C3orf85: variants seen among roughly 807,000 people sequenced by gnomAD.
C3orf85 encodes the protein chromosome 3 open reading frame 85, also known as uncharacterized protein C3orf85.
In C3orf85, 1 loss-of-function variant was observed where a neutral mutation model predicts 1.7. The ratio of observed to expected loss-of-function variants is 0.60; its 90% CI spans 0.21 to 2.86. The LOEUF (loss-of-function observed/expected upper bound fraction) is 2.86, where lower values mean the gene tolerates loss of function less well. Among genes scored for constraint, C3orf85 ranks in the 30% most tolerant of loss-of-function variants. The probability of loss-of-function intolerance (pLI) is 0.22; values close to 1 mark genes in which losing one functional copy is unlikely to be tolerated. For synonymous variants in C3orf85, 17 were observed against 8.0 expected (o/e 2.13, Z -1.90); for missense variants, 29 against 21.3 (o/e 1.36, Z -0.72).
At chr3:109,141,639 A>C (rs1706744584) in intron 2 of C3orf85, among the ~76,000 whole-genome samples, 1 of 152,152 alleles carries the variant, frequency 6.6e-6, no homozygotes, top group Non-Finnish European at 1.5e-5. Context: ...AACATGTTCT[A>C]CTAAACACAA....
intron 2 of C3orf85, among the ~76,000 whole-genome samples, chr3:109,142,044 T>G (rs1168301131): frequency 6.6e-6 from 1 of 152,050 alleles, no homozygotes; most frequent in Admixed American, 6.6e-5. Flanking sequence ...AAAAAATTAC[T>G]TAACAAAGAG....
At chr3:109,148,196 A>G (rs539561588) in intron 2 of C3orf85, 57 bp from the exon 3 acceptor site, 161 of 663,358 alleles carry the variant, frequency 2.4e-4, no homozygotes, top group Non-Finnish European at 4.2e-4. Flanking sequence ...AAGAGGAAAC[A>G]TTGAGATGTA....
Position 109,149,907 on chromosome 3 carries a change from G to C in C3orf85, c.*13G>C, listed in dbSNP as rs1046936060. 4 of 398,018 alleles carry C rather than the reference G, an allele frequency of 1.0e-5. No homozygotes were observed. Among genetic ancestry groups the C allele is most frequent in the Non-Finnish European group, 1.8e-5 (4 of 225,418 alleles). The allele number at this position is 398,018 out of a possible 1,614,324, so 24.7% of individuals were successfully genotyped here. On this transcript the variant is annotated 3_prime_UTR_variant, in exon 4 of 4. Coordinates refer to ENST00000622536, the MANE Select transcript of C3orf85 (RefSeq NM_001351622.2). Reference sequence around the variant, plus strand: ...TACTGCCCAGTAAATATGTTTTCCTGGTTAAAGCAGGAGGATGAAGATGGC... The same window carrying C: ...TACTGCCCAGTAAATATGTTTTCCTCGTTAAAGCAGGAGGATGAAGATGGC...
intron 2 of C3orf85, among the ~76,000 whole-genome samples, chr3:109,141,363 G>C (rs1191388742): frequency 1.3e-5 from 2 of 152,064 alleles, no homozygotes; most frequent in Admixed American, 6.6e-5. Context: ...ATTTTTTCCA[G>C]TTTCCTTTCA....
intron 3 of C3orf85, 137 bp from the exon 4 acceptor site, chr3:109,149,668 A>G (rs1266719050): frequency 7.7e-6 from 3 of 389,036 alleles, no homozygotes; most frequent in Admixed American, 8.9e-5. Context: ...AAGTATGAAA[A>G]CCAAATTCTA....
At chr3:109,147,166 C>T (rs368043790) in intron 2 of C3orf85, among the ~76,000 whole-genome samples, 16 of 152,174 alleles carry the variant, frequency 1.1e-4, no homozygotes, top group African/African-American at 3.1e-4. Context: ...ACCGAGAAAA[C>T]GCCTACTTGT....
intron 2 of C3orf85, among the ~76,000 whole-genome samples, chr3:109,143,943 A>C (rs1228265530): frequency 6.6e-6 from 1 of 152,174 alleles, no homozygotes; most frequent in African/African-American, 2.4e-5. Context: ...AGGATATTTA[A>C]GAAATGTTTA....
chr3:109,148,105 G>C, intron 2 of C3orf85, 148 bp from the exon 3 acceptor site: 1 of 599,360 alleles, frequency 1.7e-6, no homozygotes, highest in Non-Finnish European at 3.0e-6. Flanking sequence ...CCAAGGAGTA[G>C]CTGTCTCACT....
intron 2 of C3orf85, among the ~76,000 whole-genome samples, chr3:109,140,127 G>T (rs932563474): frequency 2.0e-5 from 3 of 151,956 alleles, no homozygotes; most frequent in African/African-American, 7.3e-5. Context: ...ACTCACTTGG[G>T]CTTATGACTG....
intron 2 of C3orf85, among the ~76,000 whole-genome samples, chr3:109,145,470 G>A (rs1175065786): frequency 1.3e-4 from 20 of 152,122 alleles, no homozygotes; most frequent in Admixed American, 1.3e-3. Flanking sequence ...ACCAGGGGTT[G>A]GGGAGGGGTT....
At chr3:109,138,308 T>A (rs1706703121) in intron 2 of C3orf85, among the ~76,000 whole-genome samples, 1 of 152,216 alleles carries the variant, frequency 6.6e-6, no homozygotes. Flanking sequence ...GGATTAGCCC[T>A]TCAGATCTCA....
rs1442368569 is a variant in C3orf85, at chr3:109,136,731, A to C, written c.-15A>C. 2 of 396,588 alleles carry C rather than the reference A, an allele frequency of 5.0e-6. No homozygotes were observed. Among genetic ancestry groups the C allele is most frequent in the Non-Finnish European group, 8.9e-6 (2 of 224,326 alleles). The allele number at this position is 396,588 out of a possible 1,614,324, so 24.6% of individuals were successfully genotyped here. A position where few individuals can be genotyped will look rare whatever the true frequency, so the allele number is the denominator to read the frequency against. Reference sequence around the variant, plus strand: ...AGCCTCTCTCTGTGTCTCAGCTCACAGGGCTTCCAGGTATGCAACAAATGC... The same window carrying C: ...AGCCTCTCTCTGTGTCTCAGCTCACCGGGCTTCCAGGTATGCAACAAATGC... On this transcript the variant is annotated 5_prime_UTR_variant, in exon 1 of 4. Transcript: ENST00000622536.
At chr3:109,147,502 T>C (rs1476576274) in intron 2 of C3orf85, among the ~76,000 whole-genome samples, 1 of 152,226 alleles carries the variant, frequency 6.6e-6, no homozygotes, top group Non-Finnish European at 1.5e-5. Flanking sequence ...TGTTCTTCCT[T>C]TGTATTGGTT....
In C3orf85 at chr3:109,146,590, C is replaced by T. The variant is rs577652634; in HGVS notation, c.50-1663C>T. On this transcript the variant is annotated intron_variant, in intron 2 of 3. Transcript: ENST00000622536. ...ATCAGGTTCCCAGATGGCTCGCTTA[C>T]CTGGCTATTAGTGGGAGGCATCATT... Among the ~76,000 whole-genome samples, 5 of 152,248 alleles carry T rather than the reference C, an allele frequency of 3.3e-5. No homozygotes were observed. In the South Asian group the frequency reaches 6.2e-4, roughly 19 times the overall value.
At position 109,148,362 on chromosome 3, in the gene C3orf85, G is replaced by T; in HGVS notation, c.159G>T (p.Val53=). Reference sequence around the variant, plus strand: ...GGGACCCAGATCACAGTTCAGATGTGTGGGTAAACACACTGGCTAAGCAGG... The same window carrying T: ...GGGACCCAGATCACAGTTCAGATGTTTGGGTAAACACACTGGCTAAGCAGG... ...DYWDPDHSSD[V]WVNTLAKQAR... is the part of the protein sequence containing the mutation. Residue 53 remains valine, a synonymous_variant, in exon 3 of 4, where the codon GTG becomes GTT. Coordinates refer to ENST00000622536, the MANE Select transcript of C3orf85 (RefSeq NM_001351622.2). 1.4e-6 allele frequency: 1 copy of T among 702,690 alleles called. No homozygotes were observed. The highest frequency in any genetic ancestry group is 2.3e-4 in the Middle Eastern group (1 of 4,366). 43.5% of individuals were successfully genotyped at this position (702,690 alleles called of 1,614,324 possible). A position where few individuals can be genotyped will look rare whatever the true frequency, so the allele number is the denominator to read the frequency against.
chr3:109,140,329 G>T (rs1706731388), intron 2 of C3orf85, among the ~76,000 whole-genome samples: 1 of 152,194 alleles, frequency 6.6e-6, no homozygotes, highest in Non-Finnish European at 1.5e-5. Context: ...ACACAGCAAA[G>T]TAGGAGAATG....
chr3:109,144,260 G>A (rs1183327775), intron 2 of C3orf85, among the ~76,000 whole-genome samples: 1 of 152,096 alleles, frequency 6.6e-6, no homozygotes, highest in East Asian at 1.9e-4. Context: ...GAAAAAGGGA[G>A]GAGAAATTTC....
intron 2 of C3orf85, among the ~76,000 whole-genome samples, chr3:109,137,643 A>ATATATG (rs1167660612): frequency 7.5e-6 from 1 of 132,984 alleles, no homozygotes; most frequent in East Asian, 2.4e-4. Flanking sequence ...GTGTGTATAT[A>ATATATG]TATATATATA....
chr3:109,148,388 T>C lies in C3orf85; in HGVS notation c.183+2T>C. The C allele has an allele frequency of 1.4e-6, 1 of 702,598 alleles. No homozygotes were observed. The highest frequency in any genetic ancestry group is 2.6e-6 in the Non-Finnish European group (1 of 384,674). The allele number at this position is 702,598 out of a possible 1,614,324, so 43.5% of individuals were successfully genotyped here. A position where few individuals can be genotyped will look rare whatever the true frequency, so the allele number is the denominator to read the frequency against. On this transcript the variant is annotated splice_donor_variant, in intron 3 of 3. Transcript: ENST00000622536. LOFTEE classifies it high-confidence loss of function. ...TGGGTAAACACACTGGCTAAGCAGG[T>C]ATTTGTATTAGAAACAAATGGTCCT...
Sources: allele counts gnomAD v4.1 joint callset (sites outside exome capture counted in the v4.1 genomes callset), GRCh38; gene constraint gnomAD v4.1.1; transcripts MANE v1.5; gene names NCBI Gene and HGNC (gene_info 2026-07-23, HGNC 2026-07-21).